The following DENND1A variants were observed in gnomAD, a reference collection of about 807,000 sequenced individuals.
DENND1A encodes DENN domain-containing protein 1A.
Under a neutral mutation model 113.7 loss-of-function variants are expected in DENND1A, and 51 were observed. The observed-to-expected ratio is 0.45, with a 90% CI of 0.36 to 0.57. DENND1A has a LOEUF of 0.57. DENND1A is among the 20% of genes least tolerant of loss of function. The pLI is 0.00. For missense variants in DENND1A, 1,258 were observed against 1,395.9 expected (o/e 0.90, Z 1.57); for synonymous variants, 565 against 570.8 (o/e 0.99, Z 0.14).
intron 4 of DENND1A, among the ~76,000 whole-genome samples, chr9:123,766,818 G>C (rs2799462): frequency 0.22 from 33,847 of 152,122 alleles, 4,683 homozygotes; most frequent in African/African-American, 0.39. Flanking sequence ...GTCCTAGTTT[G>C]AAAAAGAAAA....
chr9:123,676,663 T>C, intron 6 of DENND1A, 57 bp downstream of exon 6: 1 of 1,537,128 alleles, frequency 6.5e-7, no homozygotes, highest in South Asian at 1.2e-5. Context: ...TTTTACTTTT[T>C]CATCATAAAA....
intron 21 of DENND1A, among the ~76,000 whole-genome samples, chr9:123,393,739 G>C (rs948994392): frequency 1.3e-5 from 2 of 152,206 alleles, no homozygotes; most frequent in African/African-American, 4.8e-5. Flanking sequence ...TGTAAACTCA[G>C]TTGCAGGTGA....
chr9:123,883,937 G>C (rs1024534808), intron 1 of DENND1A, among the ~76,000 whole-genome samples: 3 of 151,630 alleles, frequency 2.0e-5, no homozygotes, highest in Non-Finnish European at 4.4e-5. Context: ...TTATGGTCAT[G>C]CTTATCCATG....
intron 12 of DENND1A, among the ~76,000 whole-genome samples, chr9:123,561,276 C>G (rs1184645920): frequency 6.6e-6 from 1 of 151,562 alleles, no homozygotes; most frequent in African/African-American, 2.4e-5. Flanking sequence ...TACCATTTTA[C>G]ACAAAGAAGG....
chr9:123,840,429 C>T (rs750505792), intron 2 of DENND1A, among the ~76,000 whole-genome samples: 17 of 150,968 alleles, frequency 1.1e-4, no homozygotes, highest in Non-Finnish European at 2.5e-4. Context: ...ATAATTATAA[C>T]AGAACTCCAA....
At chr9:123,786,846 C>T (rs1055761081) in intron 3 of DENND1A, among the ~76,000 whole-genome samples, 7 of 151,908 alleles carry the variant, frequency 4.6e-5, no homozygotes, top group Non-Finnish European at 1.0e-4. Context: ...CAAAGGTGAC[C>T]TCACCATTTA....
chr9:123,682,834 T>C (rs562292075), intron 5 of DENND1A, among the ~76,000 whole-genome samples: 3 of 152,294 alleles, frequency 2.0e-5, no homozygotes, highest in Non-Finnish European at 4.4e-5. Context: ...AATCTCAGCT[T>C]TGGGAATCTC....
At chr9:123,436,000 G>C (rs905662967) in intron 19 of DENND1A, among the ~76,000 whole-genome samples, 1 of 152,214 alleles carries the variant, frequency 6.6e-6, no homozygotes, top group Non-Finnish European at 1.5e-5. Context: ...TTCCACAGGG[G>C]TCCTCGGGAG....
intron 2 of DENND1A, among the ~76,000 whole-genome samples, chr9:123,806,867 A>T (rs1835671627): frequency 6.6e-6 from 1 of 152,232 alleles, no homozygotes; most frequent in Non-Finnish European, 1.5e-5. Flanking sequence ...CTCTTTTGGC[A>T]ACATGTACCA....
intron 1 of DENND1A, among the ~76,000 whole-genome samples, chr9:123,906,075 A>G (rs1852761397): frequency 6.6e-6 from 1 of 152,094 alleles, no homozygotes; most frequent in Non-Finnish European, 1.5e-5. Flanking sequence ...GCTCAACTAC[A>G]TGGAAACTGA....
intron 10 of DENND1A, among the ~76,000 whole-genome samples, chr9:123,619,886 A>G: frequency 6.6e-6 from 1 of 152,036 alleles, no homozygotes; most frequent in Non-Finnish European, 1.5e-5. Flanking sequence ...TCTCTTCTTT[A>G]CCTAATTTTT....
At position 123,422,248 on chromosome 9, in the gene DENND1A, C is replaced by T. The variant is rs974201939; in HGVS notation, c.1489-10419G>A. On this transcript the variant is annotated intron_variant, in intron 19 of 23. Coordinates refer to ENST00000394215, the MANE Select transcript of DENND1A (RefSeq NM_001352964.2). The surrounding 1 kb of genome is among the most constrained non-coding windows in gnomAD (Gnocchi z 4.8). ...CACCCAGCATCTGAATAATGCCAGA[C>T]CCGCCAGTCATTGTCCCCATGATTT... Among the ~76,000 whole-genome samples, 2 of 152,210 alleles carry T rather than the reference C, an allele frequency of 1.3e-5. No individual in the cohort carries two copies. The highest frequency in any genetic ancestry group is 1.3e-4 in the Admixed American group (2 of 15,284).
At chr9:123,791,879 G>A (rs1186454549) in intron 3 of DENND1A, among the ~76,000 whole-genome samples, 1 of 152,114 alleles carries the variant, frequency 6.6e-6, no homozygotes, top group African/African-American at 2.4e-5. Context: ...AATGTAAGGT[G>A]CCCCAAAAAA....
chr9:123,397,585 C>T (rs150309443), intron 21 of DENND1A, among the ~76,000 whole-genome samples: 120 of 152,254 alleles, frequency 7.9e-4, no homozygotes, highest in African/African-American at 2.7e-3. Context: ...CAGTCACAGA[C>T]AATAGGGGTT....
At chr9:123,744,880 A>C (rs1172151069) in intron 5 of DENND1A, among the ~76,000 whole-genome samples, 2 of 150,756 alleles carry the variant, frequency 1.3e-5, no homozygotes, top group African/African-American at 4.9e-5. Flanking sequence ...GGTTCAAGCA[A>C]TTCTTCTGCC....
chr9:123,668,301 T>A (rs111839842), intron 7 of DENND1A, among the ~76,000 whole-genome samples: 5 of 152,320 alleles, frequency 3.3e-5, no homozygotes, highest in African/African-American at 1.2e-4. Flanking sequence ...TGTAGAAGAA[T>A]GAGTTGTATA....
At chr9:123,613,347 AAAAAAACT>A (rs1325295311) in intron 10 of DENND1A, among the ~76,000 whole-genome samples, 3 of 152,242 alleles carry the variant, frequency 2.0e-5, no homozygotes, top group African/African-American at 7.2e-5. Flanking sequence ...TATTTAAAAA[AAAAAAACT>A]TCTTCATATT....
chr9:123,841,516 T>C (rs1303895441), intron 2 of DENND1A, among the ~76,000 whole-genome samples: 1 of 152,176 alleles, frequency 6.6e-6, no homozygotes, highest in African/African-American at 2.4e-5. Flanking sequence ...GGGTGATCAC[T>C]ACCCTCACAG....
chr9:123,909,871 T>C (rs1201226425), intron 1 of DENND1A, among the ~76,000 whole-genome samples: 1 of 152,180 alleles, frequency 6.6e-6, no homozygotes. Flanking sequence ...AGAAATCTAC[T>C]GTATTTCTAT....
Sources: gnomAD v4.1 joint callset for allele counts (sites outside exome capture counted in the v4.1 genomes callset) on GRCh38, gnomAD v4.1.1 for gene constraint, Gnocchi (gnomAD v3.1) non-coding constraint, MANE v1.5 for transcripts, NCBI Gene and HGNC (gene_info 2026-07-23, HGNC 2026-07-21) for gene names.